Variants in BAZ1A observed in about 807,000 individuals in gnomAD.
BAZ1A encodes the protein bromodomain adjacent to zinc finger domain 1A.
A neutral mutation model predicts 185.2 loss-of-function variants in BAZ1A; 50 were observed. The ratio of observed to expected loss-of-function variants is 0.27; its 90% CI spans 0.22 to 0.34. The LOEUF (loss-of-function observed/expected upper bound fraction) is 0.34. BAZ1A is among the 10% of genes least tolerant of loss of function. BAZ1A has a pLI of 1.00. For missense variants in BAZ1A, 1,356 were observed against 1,839.9 expected, an observed-to-expected ratio of 0.74 and a Z score of 4.81; for synonymous variants, 571 against 615.6, an observed-to-expected ratio of 0.93 and a Z score of 1.07.
intron 18 of BAZ1A, among the ~76,000 whole-genome samples, 154 bp from the exon 19 acceptor site, chr14:34,774,644 A>G (rs927400432): frequency 2.0e-5 from 3 of 152,198 alleles, no homozygotes; most frequent in African/African-American, 7.2e-5. Context: ...AATATCATTT[A>G]TCTTATAAAG....
rs748966142 is a variant in BAZ1A, at chr14:34,874,647, C to T, written c.-43G>A. On this transcript the variant is annotated 5_prime_UTR_variant, in exon 2 of 27. Transcript: ENST00000360310. This position sits in a 1 kb window ranked among gnomAD's most constrained non-coding sequence, Gnocchi z 4.7. ...GCTCGCCTGGACCCTCGGCCGCCCGCGCCGGCCCCGCTTCCCTATCAAAAT... is the reference window on the plus strand; with the variant it reads ...GCTCGCCTGGACCCTCGGCCGCCCGTGCCGGCCCCGCTTCCCTATCAAAAT... 1.3e-6 allele frequency: 2 copies of T among 1,501,564 alleles called. No homozygotes were observed. Among genetic ancestry groups the T allele is most frequent in the South Asian group, 1.2e-5 (1 of 86,218 alleles). 93.0% of individuals were successfully genotyped at this position (1,501,564 alleles called of 1,614,324 possible).
chr14:34,849,183 G>C (rs1233504542), intron 3 of BAZ1A, among the ~76,000 whole-genome samples: 2 of 152,076 alleles, frequency 1.3e-5, no homozygotes, highest in African/African-American at 4.8e-5. Context: ...CCAGCTACTC[G>C]GGAGGCTGAA....
intron 19 of BAZ1A, among the ~76,000 whole-genome samples, 181 bp from the exon 20 acceptor site, chr14:34,773,907 GA>G (rs1461981223): frequency 2.0e-5 from 3 of 152,200 alleles, no homozygotes; most frequent in Non-Finnish European, 4.4e-5. Flanking sequence ...CTTCATAGAT[GA>G]AAACCATAAT....
intron 23 of BAZ1A, 75 bp downstream of exon 23, chr14:34,764,632 C>A: frequency 6.5e-7 from 1 of 1,528,368 alleles, no homozygotes; most frequent in South Asian, 1.2e-5. Flanking sequence ...CCTAACTATT[C>A]CATTTGTATT....
intron 21 of BAZ1A, among the ~76,000 whole-genome samples, chr14:34,770,399 C>T (rs1429359552): frequency 1.3e-5 from 2 of 152,150 alleles, no homozygotes; most frequent in South Asian, 2.1e-4. Flanking sequence ...GTGATCCAAC[C>T]GCCTCGGCCT....
intron 11 of BAZ1A, 121 bp from the exon 12 acceptor site, chr14:34,793,042 A>G: frequency 1.1e-6 from 1 of 874,744 alleles, no homozygotes; most frequent in Non-Finnish European, 1.7e-6. Flanking sequence ...GCATCAATTT[A>G]TGAAAGTATA....
At chr14:34,783,587 A>C (rs1260541261) in intron 15 of BAZ1A, among the ~76,000 whole-genome samples, 175 bp downstream of exon 15, 1 of 152,114 alleles carries the variant, frequency 6.6e-6, no homozygotes, top group Non-Finnish European at 1.5e-5. Context: ...CCACCCTCCC[A>C]AAGTGCTGGG....
intron 6 of BAZ1A, among the ~76,000 whole-genome samples, chr14:34,805,126 G>A (rs1484023509): frequency 6.6e-6 from 1 of 152,108 alleles, no homozygotes; most frequent in Admixed American, 6.6e-5. Flanking sequence ...CTTGCTTTCC[G>A]CCATGATTGT....
intron 15 of BAZ1A, 64 bp from the exon 16 acceptor site, chr14:34,783,296 T>A (rs1880170184): frequency 2.1e-6 from 2 of 957,174 alleles, no homozygotes; most frequent in East Asian, 4.9e-5. Context: ...TTTTAGCATC[T>A]TGTCTTTAAT....
At chr14:34,854,942 G>T (rs1240587064) in intron 3 of BAZ1A, among the ~76,000 whole-genome samples, 1 of 152,134 alleles carries the variant, frequency 6.6e-6, no homozygotes, top group African/African-American at 2.4e-5. Flanking sequence ...AGCTGGGCTT[G>T]GTGGTGCGGG....
chr14:34,795,733 C>G lies in BAZ1A; in HGVS notation c.1161G>C (p.Lys387Asn). ...EREKLREEKR[K>N]YVEYLKQWSK... ...TCCACTGTTTTAAGTATTCCACATA[C>G]TTTCGCTTTTCTTCACGTAACTTCT... Residue 387 changes from lysine to asparagine, a missense_variant, in exon 10 of 27, where the codon AAG becomes AAC. By Grantham distance (94) the Lys-to-Asn change is moderately conservative. This residue lies in a region of BAZ1A where 184 missense variants were observed against 355.1 expected (regional missense o/e 0.52). Coordinates refer to ENST00000360310, the MANE Select transcript of BAZ1A (RefSeq NM_013448.3). 1.2e-6 allele frequency: 2 copies of G among 1,613,198 alleles called. No individual in the cohort carries two copies. Among genetic ancestry groups the G allele is most frequent in the Non-Finnish European group, 1.7e-6 (2 of 1,179,808 alleles).
intron 4 of BAZ1A, among the ~76,000 whole-genome samples, chr14:34,824,592 C>A (rs2042139302): frequency 6.6e-6 from 1 of 152,098 alleles, no homozygotes; most frequent in African/African-American, 2.4e-5. Context: ...CAACACTCTT[C>A]CAGAACTGAC....
chr14:34,757,624 C>T (rs1214800879), intron 25 of BAZ1A, among the ~76,000 whole-genome samples: 4 of 151,874 alleles, frequency 2.6e-5, no homozygotes, highest in African/African-American at 9.7e-5. Context: ...AAGATCACGC[C>T]ACTGCACTCC....
intron 4 of BAZ1A, among the ~76,000 whole-genome samples, chr14:34,815,760 C>T (rs535022383): frequency 6.6e-6 from 1 of 151,928 alleles, no homozygotes; most frequent in East Asian, 1.9e-4. Context: ...ACCAAAAAAA[C>T]TTGTATACTT....
At chr14:34,867,232 C>T (rs1332505741) in intron 2 of BAZ1A, among the ~76,000 whole-genome samples, 1 of 151,288 alleles carries the variant, frequency 6.6e-6, no homozygotes, top group African/African-American at 2.4e-5. Context: ...GCACTCCAGC[C>T]AGGGCAACAG....
At chr14:34,783,730 TCA>T in intron 15 of BAZ1A, 30 bp downstream of exon 15, 1 of 1,591,420 alleles carries the variant, frequency 6.3e-7, no homozygotes, top group Non-Finnish European at 8.5e-7. Flanking sequence ...TAAACAGCTT[TCA>T]TTAACACAAC....
At chr14:34,849,546 T>C (rs1156248489) in intron 3 of BAZ1A, among the ~76,000 whole-genome samples, 2 of 152,144 alleles carry the variant, frequency 1.3e-5, no homozygotes, top group African/African-American at 4.8e-5. Flanking sequence ...AAAAAACAGA[T>C]TTTAAAAAAT....
At chr14:34,840,680 C>A (rs2042399210) in intron 3 of BAZ1A, among the ~76,000 whole-genome samples, 1 of 151,940 alleles carries the variant, frequency 6.6e-6, no homozygotes, top group African/African-American at 2.4e-5. Context: ...ATCGCTTGAC[C>A]CAGGAAGCAG....
At chr14:34,843,391 C>T (rs1358438857) in intron 3 of BAZ1A, among the ~76,000 whole-genome samples, 2 of 152,176 alleles carry the variant, frequency 1.3e-5, no homozygotes, top group African/African-American at 2.4e-5. Flanking sequence ...TCTCTCGCTG[C>T]TGGGATCTTT....
Sources: gnomAD v4.1 joint callset for allele counts (sites outside exome capture counted in the v4.1 genomes callset) on GRCh38, gnomAD v4.1.1 for gene constraint, gnomAD v4.1.1 regional missense constraint, Gnocchi (gnomAD v3.1) non-coding constraint, MANE v1.5 for transcripts, NCBI Gene and HGNC (gene_info 2026-07-23, HGNC 2026-07-21) for gene names.